MSI2: variants seen among roughly 807,000 people sequenced by gnomAD.
The protein encoded by MSI2 is RNA-binding protein Musashi homolog 2.
Under a neutral mutation model 45.6 loss-of-function variants are expected in MSI2, and 17 were observed. The ratio of observed to expected loss-of-function variants is 0.37; its 90% CI spans 0.26 to 0.56. The LOEUF (loss-of-function observed/expected upper bound fraction) is 0.56, where lower values mean the gene tolerates loss of function less well. Among genes scored for constraint, MSI2 ranks in the 20% least tolerant of loss-of-function variants. The pLI is 0.77. For synonymous variants in MSI2, 156 were observed against 158.2 expected (o/e 0.99, Z 0.11); for missense variants, 293 against 444.2 (o/e 0.66, Z 3.06).
chr17:57,548,018 A>G (rs893075957), intron 7 of MSI2, among the ~76,000 whole-genome samples: 6 of 151,974 alleles, frequency 3.9e-5, no homozygotes, highest in African/African-American at 1.5e-4. Flanking sequence ...ATGATGTTGC[A>G]TTCAAGAATC....
chr17:57,440,473 G>GTGTGTGTGTGTGTGT (rs2084780112), intron 6 of MSI2, among the ~76,000 whole-genome samples: 2 of 95,576 alleles, frequency 2.1e-5, no homozygotes, highest in Admixed American at 2.7e-4. Flanking sequence ...TGTGTAGCGT[G>GTGTGTGTGTGTGTGT]GCTGGGTCAG....
intron 7 of MSI2, among the ~76,000 whole-genome samples, chr17:57,541,481 A>G (rs1417326473): frequency 6.6e-6 from 1 of 152,242 alleles, no homozygotes; most frequent in Non-Finnish European, 1.5e-5. Flanking sequence ...AAAAAAAATA[A>G]GAAAACAGCA....
intron 11 of MSI2, chr17:57,671,550 T>A (rs1378376023): frequency 6.6e-6 from 1 of 152,160 alleles, no homozygotes; most frequent in African/African-American, 2.4e-5. Flanking sequence ...GACTGGAGAA[T>A]GACTTCCACA....
At chr17:57,500,352 C>G (rs556059858) in intron 6 of MSI2, among the ~76,000 whole-genome samples, 184 of 151,238 alleles carry the variant, frequency 1.2e-3, no homozygotes, top group Non-Finnish European at 2.4e-3. Context: ...CTTGGTGGCT[C>G]TATACCTCAG....
chr17:57,670,744 T>C (rs754562060), intron 11 of MSI2, among the ~76,000 whole-genome samples: 11 of 152,228 alleles, frequency 7.2e-5, no homozygotes, highest in Non-Finnish European at 1.5e-4. Flanking sequence ...GGCAAGTGAA[T>C]TGCATTTTCC....
intron 5 of MSI2, among the ~76,000 whole-genome samples, chr17:57,325,923 G>C (rs1913750721): frequency 6.6e-6 from 1 of 152,158 alleles, no homozygotes; most frequent in African/African-American, 2.4e-5. Flanking sequence ...TGCGCTCCAT[G>C]ACCTGTTGTG....
intron 6 of MSI2, among the ~76,000 whole-genome samples, chr17:57,523,399 T>C (rs2086635282): frequency 6.6e-6 from 1 of 152,178 alleles, no homozygotes; most frequent in South Asian, 2.1e-4. Context: ...AGCTGGGCTG[T>C]CTCAAGTCTA....
intron 7 of MSI2, among the ~76,000 whole-genome samples, chr17:57,577,522 C>T (rs967375107): frequency 1.2e-4 from 19 of 152,050 alleles, no homozygotes; most frequent in African/African-American, 3.9e-4. Flanking sequence ...GGTTTAATTA[C>T]CAGTTATTTA....
chr17:57,332,288 A>T (rs1034581621), intron 5 of MSI2, among the ~76,000 whole-genome samples: 5 of 152,010 alleles, frequency 3.3e-5, no homozygotes, highest in African/African-American at 1.2e-4. Context: ...TTTGGTAGAG[A>T]TGGGGTTTCT....
At chr17:57,557,836 T>C (rs2087474081) in intron 7 of MSI2, among the ~76,000 whole-genome samples, 1 of 152,224 alleles carries the variant, frequency 6.6e-6, no homozygotes, top group East Asian at 1.9e-4. Context: ...AACTGTTTTC[T>C]TGGGCGCTGA....
At chr17:57,333,314 T>C (rs1914419174) in intron 5 of MSI2, among the ~76,000 whole-genome samples, 2 of 152,206 alleles carry the variant, frequency 1.3e-5, no homozygotes, top group African/African-American at 2.4e-5. Context: ...GGAATTATTT[T>C]TCCCCCCTGG....
At chr17:57,629,422 C>CT (rs1157831758) in intron 10 of MSI2, 2 of 152,248 alleles carry the variant, frequency 1.3e-5, no homozygotes, top group African/African-American at 4.8e-5. Context: ...GAGTGAGACT[C>CT]TGTCTCAAAA....
At chr17:57,349,160 A>C (rs1915830478) in intron 5 of MSI2, among the ~76,000 whole-genome samples, 1 of 151,548 alleles carries the variant, frequency 6.6e-6, no homozygotes, top group Non-Finnish European at 1.5e-5. Context: ...TGGGATGAGG[A>C]CTCCAGGCTC....
chr17:57,655,880 T>C (rs549498135), intron 11 of MSI2, among the ~76,000 whole-genome samples: 2 of 152,316 alleles, frequency 1.3e-5, no homozygotes, highest in Admixed American at 1.3e-4. Flanking sequence ...TGTCTTTTTT[T>C]GTACACTTTC....
intron 5 of MSI2, among the ~76,000 whole-genome samples, chr17:57,380,114 C>T (rs538448831): frequency 6.6e-6 from 1 of 152,190 alleles, no homozygotes; most frequent in African/African-American, 2.4e-5. Flanking sequence ...TGAACCCCAG[C>T]CAATGCCAGG....
chr17:57,426,969 C>A (rs1034596468), intron 6 of MSI2, among the ~76,000 whole-genome samples: 11 of 152,208 alleles, frequency 7.2e-5, no homozygotes, highest in African/African-American at 2.4e-5. Flanking sequence ...CCACTGGAGC[C>A]AGGGCTTCTA....
chr17:57,676,337 T>G (rs1469857823), intron 12 of MSI2, among the ~76,000 whole-genome samples: 1 of 152,184 alleles, frequency 6.6e-6, no homozygotes, highest in East Asian at 1.9e-4. Flanking sequence ...GATGGGTCCT[T>G]GTTCAGCTCC....
intron 6 of MSI2, among the ~76,000 whole-genome samples, chr17:57,512,406 A>G (rs2086374889): frequency 6.6e-6 from 1 of 152,208 alleles, no homozygotes; most frequent in African/African-American, 2.4e-5. Context: ...AAGTGGGCTT[A>G]GGGTAATAGC....
intron 5 of MSI2, among the ~76,000 whole-genome samples, chr17:57,364,707 C>T (rs1214026952): frequency 1.3e-5 from 2 of 152,010 alleles, no homozygotes; most frequent in East Asian, 3.9e-4. Flanking sequence ...TTCGGGAAGC[C>T]TAGGGTTGGG....
Sources: gnomAD v4.1 joint callset for allele counts (sites outside exome capture counted in the v4.1 genomes callset) on GRCh38, gnomAD v4.1.1 for gene constraint, MANE v1.5 for transcripts, NCBI Gene and HGNC (gene_info 2026-07-23, HGNC 2026-07-21) for gene names.